Variants in SASS6 observed in about 807,000 individuals in gnomAD.
SASS6 encodes the protein spindle assembly abnormal protein 6 homolog.
SASS6 carries 59 observed loss-of-function variants against 94.9 expected under a neutral mutation model. That is an observed-to-expected ratio of 0.62 (90% CI 0.50 to 0.77). The LOEUF (loss-of-function observed/expected upper bound fraction) is 0.77. Among genes scored for constraint, SASS6 ranks in the 30% least tolerant of loss-of-function variants. The probability of loss-of-function intolerance (pLI) is 0.00; values close to 1 mark genes in which losing one functional copy is unlikely to be tolerated. For missense variants in SASS6, 698 were observed against 734.1 expected (o/e 0.95, Z 0.57); for synonymous variants, 264 against 270.0 (o/e 0.98, Z 0.22).
chr1:100,121,272 A>G, intron 5 of SASS6, 106 bp downstream of exon 5: 1 of 651,156 alleles, frequency 1.5e-6, no homozygotes, highest in Non-Finnish European at 2.5e-6. Flanking sequence ...ATTTCATAAA[A>G]CTTTATTTAG....
At chr1:100,108,210 C>G (rs1486971713) in intron 8 of SASS6, among the ~76,000 whole-genome samples, 3 of 151,844 alleles carry the variant, frequency 2.0e-5, no homozygotes, top group African/African-American at 4.8e-5. Context: ...ATTCTACTAT[C>G]TGATTCAATC....
At chr1:100,101,967 C>A (rs891726767) in intron 14 of SASS6, among the ~76,000 whole-genome samples, 2 of 152,048 alleles carry the variant, frequency 1.3e-5, no homozygotes, top group African/African-American at 2.4e-5. Context: ...ATCTTTTATA[C>A]AATATTTTTT....
chr1:100,103,828 T>A (rs1357915752), intron 13 of SASS6, among the ~76,000 whole-genome samples: 1 of 152,176 alleles, frequency 6.6e-6, no homozygotes, highest in Non-Finnish European at 1.5e-5. Flanking sequence ...AGGTTAAAAA[T>A]TCAATTAGGA....
At chr1:100,103,504 G>C (rs547796982) in intron 13 of SASS6, among the ~76,000 whole-genome samples, 1 of 152,274 alleles carries the variant, frequency 6.6e-6, no homozygotes, top group African/African-American at 2.4e-5. Context: ...GACTAATTGA[G>C]ACAGTAATTG....
At chr1:100,104,996 C>T (rs1482070110) in intron 13 of SASS6, among the ~76,000 whole-genome samples, 1 of 152,010 alleles carries the variant, frequency 6.6e-6, no homozygotes, top group Non-Finnish European at 1.5e-5. Flanking sequence ...AAGTTTATAT[C>T]TCATAACCAG....
chr1:100,098,826 G>A (rs1034657204), intron 14 of SASS6, among the ~76,000 whole-genome samples: 9 of 152,118 alleles, frequency 5.9e-5, no homozygotes, highest in Non-Finnish European at 1.0e-4. Context: ...AAAGCAAGGC[G>A]CAGAACAATT....
intron 7 of SASS6, among the ~76,000 whole-genome samples, chr1:100,112,313 A>G (rs1557888979): frequency 6.6e-6 from 1 of 152,126 alleles, no homozygotes; most frequent in African/African-American, 2.4e-5. Flanking sequence ...TTAATAAAAA[A>G]TTCTATGAAG....
chr1:100,106,601 C>T (rs1652929160), intron 12 of SASS6, among the ~76,000 whole-genome samples: 1 of 152,086 alleles, frequency 6.6e-6, no homozygotes, highest in Admixed American at 6.6e-5. Context: ...AACCTAAACG[C>T]AGCAATCTGG....
Position 100,105,629 on chromosome 1 carries a change from C to T in SASS6, c.1545+138G>A. ...GTTCCACTTCCAGGGGCAACTTAAA[C>T]TCTATTTCAGTGCAATTGTAGGACT... On this transcript the variant is annotated intron_variant, in intron 13 of 16. Coordinates refer to ENST00000287482, the MANE Select transcript of SASS6 (RefSeq NM_194292.3). 4.0e-6 allele frequency: 3 copies of T among 749,666 alleles called. No individual in the cohort carries two copies. The South Asian group carries it at 5.5e-5, about 14-fold the overall frequency. 46.4% of individuals were successfully genotyped at this position (749,666 alleles called of 1,614,324 possible).
chr1:100,121,005 C>G (rs920497854), intron 5 of SASS6, among the ~76,000 whole-genome samples: 4 of 148,544 alleles, frequency 2.7e-5, no homozygotes, highest in Non-Finnish European at 4.5e-5. Flanking sequence ...AGCCGAGATC[C>G]CGCCACTGCA....
At position 100,119,021 on chromosome 1, in the gene SASS6, C is replaced by A. The variant is rs1271228101; in HGVS notation, c.666G>T (p.Leu222Phe). Reference protein sequence around the residue: ...QELTNEKEKALQAQVQYQQQH... With the variant: ...QELTNEKEKAFQAQVQYQQQH... ...CAGTTTCCTTTAATGTTCTTACCTG[C>A]AAGGCTTTTTCCTTTTCATTTGTCA... Residue 222 changes from leucine (L) to phenylalanine (F), a missense_variant, in exon 7 of 17, where the codon TTG becomes TTT. Coordinates refer to ENST00000287482, the MANE Select transcript of SASS6 (RefSeq NM_194292.3). 6.4e-7 allele frequency: 1 copy of A among 1,561,240 alleles called. No individual in the cohort carries two copies. Among genetic ancestry groups the A allele is most frequent in the South Asian group, 1.2e-5 (1 of 80,358 alleles).
At chr1:100,129,275 CACAA>C (rs967221695) in intron 1 of SASS6, among the ~76,000 whole-genome samples, 3 of 151,492 alleles carry the variant, frequency 2.0e-5, no homozygotes, top group African/African-American at 7.3e-5. Context: ...CATAGGATGA[CACAA>C]ACAAAACAAA....
At chr1:100,122,250 C>T (rs2101686547) in intron 4 of SASS6, 130 bp downstream of exon 4, 1 of 468,292 alleles carries the variant, frequency 2.1e-6, no homozygotes, top group Non-Finnish European at 3.8e-6. Context: ...TTAATGGAGG[C>T]CTAACCCCAG....
In SASS6 at chr1:100,085,283, C is replaced by A. The variant is rs12039960; in HGVS notation, c.*45G>T. The A allele has an allele frequency of 8.2e-7, 1 of 1,213,692 alleles. No homozygotes were observed. The highest frequency in any genetic ancestry group is 1.2e-6 in the Non-Finnish European group (1 of 816,694). 75.2% of individuals were successfully genotyped at this position (1,213,692 alleles called of 1,614,324 possible). A position where few individuals can be genotyped will look rare whatever the true frequency, so the allele number is the denominator to read the frequency against. ...TTGTGTTGACATATTTTTTAAGCAC[C>A]TGAGTTTCTAAAATACCAATAAAAA... is the stretch of plus-strand genomic sequence containing the variant. On this transcript the variant is annotated 3_prime_UTR_variant, in exon 17 of 17. Transcript: ENST00000287482.
intron 8 of SASS6, among the ~76,000 whole-genome samples, chr1:100,109,520 C>T (rs887086179): frequency 2.0e-5 from 3 of 151,958 alleles, no homozygotes; most frequent in Non-Finnish European, 4.4e-5. Flanking sequence ...TTGATAGGTG[C>T]AGCAAACCAC....
chr1:100,113,235 A>G (rs1011255137), intron 7 of SASS6, among the ~76,000 whole-genome samples: 1 of 152,174 alleles, frequency 6.6e-6, no homozygotes, highest in Non-Finnish European at 1.5e-5. Context: ...GTATTAAGCA[A>G]TATATCCAGT....
intron 1 of SASS6, among the ~76,000 whole-genome samples, chr1:100,132,119 G>A (rs1417313894): frequency 6.6e-6 from 1 of 152,182 alleles, no homozygotes; most frequent in Non-Finnish European, 1.5e-5. Context: ...TGAAGAAAAG[G>A]ACTGTTTTTC....
At chr1:100,094,750 C>T (rs1351266618) in intron 14 of SASS6, among the ~76,000 whole-genome samples, 2 of 151,778 alleles carry the variant, frequency 1.3e-5, no homozygotes, top group African/African-American at 4.8e-5. Flanking sequence ...CCTGTAGTCC[C>T]AGCTACTCGG....
chr1:100,112,298 A>G (rs1489030779), intron 7 of SASS6, among the ~76,000 whole-genome samples: 1 of 152,120 alleles, frequency 6.6e-6, no homozygotes, highest in Non-Finnish European at 1.5e-5. Context: ...ATGGGAAAAC[A>G]AAAATTAATA....
Sources: gnomAD v4.1 joint callset for allele counts (sites outside exome capture counted in the v4.1 genomes callset) on GRCh38, gnomAD v4.1.1 for gene constraint, MANE v1.5 for transcripts, NCBI Gene and HGNC (gene_info 2026-07-23, HGNC 2026-07-21) for gene names.